MYCBP2: variants seen among roughly 807,000 people sequenced by gnomAD.
The protein encoded by MYCBP2 is E3 ubiquitin-protein ligase MYCBP2.
Under a neutral mutation model 525.3 loss-of-function variants are expected in MYCBP2, and 120 were observed. That is an observed-to-expected ratio of 0.23 (90% confidence interval 0.20 to 0.27). The LOEUF is 0.27. MYCBP2 is among the 10% of genes least tolerant of loss of function. The pLI, the probability that MYCBP2 is intolerant of heterozygous loss-of-function variation, is 1.00. For synonymous variants in MYCBP2, 1,894 were observed against 1,955.8 expected, an observed-to-expected ratio of 0.97 and a Z score of 0.83; for missense variants, 4,149 against 5,657.1, an observed-to-expected ratio of 0.73 and a Z score of 8.55.
chr13:77,304,688 C>T (rs2079186549), intron 1 of MYCBP2, among the ~76,000 whole-genome samples: 1 of 152,010 alleles, frequency 6.6e-6, no homozygotes, highest in Non-Finnish European at 1.5e-5. Flanking sequence ...GATCATTACA[C>T]ATTGTAAACA....
intron 2 of MYCBP2, among the ~76,000 whole-genome samples, chr13:77,289,774 A>C (rs192387727): frequency 1.5e-3 from 236 of 152,308 alleles, no homozygotes; most frequent in African/African-American, 5.4e-3. Flanking sequence ...TTGTAAAAAA[A>C]CATGTAGAGA....
At chr13:77,301,992 T>C (rs999523747) in intron 1 of MYCBP2, among the ~76,000 whole-genome samples, 3 of 150,840 alleles carry the variant, frequency 2.0e-5, no homozygotes, top group Non-Finnish European at 4.4e-5. Flanking sequence ...AATAAATAAA[T>C]AAATAAATAA....
In MYCBP2 at chr13:77,233,230, T is replaced by C; in HGVS notation, c.2663A>G (p.Asn888Ser). The part of the protein sequence containing the change: ...PLVFAGPIFM[N>S]HREQALARLR... ...TCTGGCTAGAGCCTGTTCTCGATGG[T>C]TCATAAAAATAGGACCAGCAAATAC... The change falls in exon 18 of 83, where the codon AAC becomes AGC. Residue 888 changes from asparagine to serine, a missense_variant. Coordinates refer to ENST00000544440, the MANE Select transcript of MYCBP2 (RefSeq NM_015057.5). 6.2e-7 allele frequency: 1 copy of C among 1,613,792 alleles called. No homozygotes were observed. Among genetic ancestry groups the C allele is most frequent in the Non-Finnish European group, 8.5e-7 (1 of 1,179,796 alleles).
chr13:77,053,196 A>C, intron 80 of MYCBP2, among the ~76,000 whole-genome samples: 1 of 152,194 alleles, frequency 6.6e-6, no homozygotes, highest in East Asian at 1.9e-4. Flanking sequence ...ATAGTTATAA[A>C]GTTATGCAGT....
Position 77,095,512 on chromosome 13 carries a change from G to A in MYCBP2, c.10045C>T (p.Leu3349Phe). 2 of 1,613,630 alleles carry A rather than the reference G, an allele frequency of 1.2e-6. No individual in the cohort carries two copies. The highest frequency in any genetic ancestry group is 2.2e-5 in the East Asian group (1 of 44,846). ...GCACTGCTCAGGGACAGCAGGAAGAGTGCATTGGCTTTAATCACCTGGTGA... is the reference window on the plus strand; with the variant it reads ...GCACTGCTCAGGGACAGCAGGAAGAATGCATTGGCTTTAATCACCTGGTGA... ...EAHQVIKANA[L>F]FLLSLSSAAE... Residue 3349 changes from leucine (L) to phenylalanine (F), a missense_variant, in exon 58 of 83, where the codon CTC becomes TTC. Leu to Phe is a conservative substitution (Grantham distance 22, BLOSUM62 0). This residue lies in a region of MYCBP2 where 509 missense variants were observed against 789.4 expected (regional missense o/e 0.64). Coordinates refer to ENST00000544440, the MANE Select transcript of MYCBP2 (RefSeq NM_015057.5).
At chr13:77,096,923 T>C (rs2046343104) in intron 56 of MYCBP2, among the ~76,000 whole-genome samples, 1 of 151,960 alleles carries the variant, frequency 6.6e-6, no homozygotes, top group Non-Finnish European at 1.5e-5. Flanking sequence ...GTTACAGAAA[T>C]CATTACATTT....
intron 68 of MYCBP2, among the ~76,000 whole-genome samples, chr13:77,071,300 CACACACACAA>C (rs1310140763): frequency 2.0e-5 from 3 of 151,930 alleles, no homozygotes; most frequent in African/African-American, 7.3e-5. Flanking sequence ...CACACACACA[CACACACACAA>C]ATCTTATCTA....
At chr13:77,180,871 G>A (rs576011047) in intron 33 of MYCBP2, among the ~76,000 whole-genome samples, 97 of 152,328 alleles carry the variant, frequency 6.4e-4, no homozygotes, top group African/African-American at 2.1e-3. Flanking sequence ...AGTAAACTGC[G>A]ATGGCACAAC....
chr13:77,147,323 C>A (rs886653992), intron 47 of MYCBP2, among the ~76,000 whole-genome samples: 67 of 152,064 alleles, frequency 4.4e-4, no homozygotes, highest in East Asian at 1.2e-3. Flanking sequence ...CTGTAGCAAT[C>A]TGTTTCTTAA....
chr13:77,301,316 G>A (rs1046846292), intron 1 of MYCBP2, among the ~76,000 whole-genome samples: 2 of 151,206 alleles, frequency 1.3e-5, no homozygotes, highest in African/African-American at 4.9e-5. Flanking sequence ...CTAGGGAGGC[G>A]GAGGCAGGAG....
intron 3 of MYCBP2, among the ~76,000 whole-genome samples, chr13:77,282,214 C>G (rs573557625): frequency 2.6e-5 from 4 of 152,002 alleles, no homozygotes; most frequent in African/African-American, 9.7e-5. Flanking sequence ...AGTTGCAAAC[C>G]AGCCTAGCCA....
intron 62 of MYCBP2, among the ~76,000 whole-genome samples, chr13:77,086,487 G>A (rs1338747089): frequency 6.6e-6 from 1 of 151,970 alleles, no homozygotes; most frequent in Non-Finnish European, 1.5e-5. Context: ...GTTGTTATCT[G>A]TAATCAATTC....
intron 39 of MYCBP2, 24 bp downstream of exon 39, chr13:77,169,590 A>G: frequency 1.9e-6 from 3 of 1,576,576 alleles, no homozygotes; most frequent in Non-Finnish European, 1.7e-6. Context: ...AAAACATTCA[A>G]AGTTATAGAA....
At chr13:77,241,627 T>C (rs2068842213) in intron 17 of MYCBP2, among the ~76,000 whole-genome samples, 1 of 152,180 alleles carries the variant, frequency 6.6e-6, no homozygotes, top group African/African-American at 2.4e-5. Flanking sequence ...TGACAGTATC[T>C]ATATTAATCT....
intron 46 of MYCBP2, 24 bp downstream of exon 46, chr13:77,156,034 C>A: frequency 1.2e-6 from 2 of 1,603,644 alleles, no homozygotes; most frequent in Non-Finnish European, 1.7e-6. Context: ...TAGATGTCTG[C>A]TAATTTAATC....
Position 77,273,583 on chromosome 13 carries a change from G to C in MYCBP2, c.834C>G (p.Ser278=), listed in dbSNP as rs766099032. The C allele has an allele frequency of 3.7e-6, 6 of 1,613,652 alleles. No homozygotes were observed. The highest frequency in any genetic ancestry group is 1.7e-5 in the Admixed American group (1 of 59,906). ...CCACCAGACTAAAGAGGCAAGCACAGGAAAGTGCTGTTAAGGACTGTCCTG... is the reference window on the plus strand; with the variant it reads ...CCACCAGACTAAAGAGGCAAGCACACGAAAGTGCTGTTAAGGACTGTCCTG... ...DSTGQSLTAL[S]CACLFSLVAS... The change falls in exon 5 of 83, where the codon TCC becomes TCG. Residue 278 remains serine (S), a synonymous_variant. Coordinates refer to ENST00000544440, the MANE Select transcript of MYCBP2 (RefSeq NM_015057.5).
chr13:77,068,758 G>T lies in MYCBP2; in HGVS notation c.11978C>A (p.Ser3993Ter). The T allele has an allele frequency of 6.2e-7, 1 of 1,614,138 alleles. No individual in the cohort carries two copies. ...RVREEWEHAI[S>*]SKENANSQPN... ...CTGAGAATTGGCATTTTCTTTGCTT[G>T]ATATAGCATGTTCCCATTCTTCACG... Residue 3993 changes from serine (S) to a stop codon, truncating the protein, a stop_gained, in exon 70 of 83, where the codon TCA becomes TAA. Transcript: ENST00000544440. LOFTEE classifies it high-confidence loss of function.
chr13:77,151,831 C>T (rs1594937229), intron 46 of MYCBP2, among the ~76,000 whole-genome samples: 1 of 152,072 alleles, frequency 6.6e-6, no homozygotes, highest in African/African-American at 2.4e-5. Flanking sequence ...TATAAGAAAA[C>T]ATTGTTTTTA....
At chr13:77,140,966 G>GT (rs748117875) in intron 49 of MYCBP2, 23 bp from the exon 50 acceptor site, 1 of 1,522,016 alleles carries the variant, frequency 6.6e-7, no homozygotes, top group African/African-American at 1.4e-5. Context: ...TCAGAGAACT[G>GT]TAACATTTGA....
Sources: allele counts gnomAD v4.1 joint callset (sites outside exome capture counted in the v4.1 genomes callset), GRCh38; gene constraint gnomAD v4.1.1; regional missense constraint gnomAD v4.1.1; transcripts MANE v1.5; gene names NCBI Gene and HGNC (gene_info 2026-07-23, HGNC 2026-07-21).